Variants in LARP4 observed in about 807,000 individuals in gnomAD.
The protein encoded by LARP4 is la-related protein 4.
A neutral mutation model predicts 92.9 loss-of-function variants in LARP4; 29 were observed. The ratio of observed to expected loss-of-function variants is 0.31; its 90% CI spans 0.23 to 0.43. The LOEUF (loss-of-function observed/expected upper bound fraction) is 0.43. Among genes scored for constraint, LARP4 ranks in the 20% least tolerant of loss-of-function variants. The pLI is 1.00. For synonymous variants in LARP4, 279 were observed against 284.1 expected (o/e 0.98, Z 0.18); for missense variants, 732 against 860.0 (o/e 0.85, Z 1.86).
At position 50,476,435 on chromosome 12, in the gene LARP4, T is replaced by C. The variant is rs1957536525; in HGVS notation, c.*571T>C. The C allele has an allele frequency of 6.6e-6, 1 of 152,586 alleles. No homozygotes were observed. Among genetic ancestry groups the C allele is most frequent in the African/African-American group, 2.4e-5 (1 of 41,432 alleles). The allele number at this position is 152,586 out of a possible 1,614,324, so 9.5% of individuals were successfully genotyped here. The stretch of plus-strand genomic sequence containing the variant: ...GATTGAAGCCAAATCTGTTGTCATG[T>C]TAGTAAATGATTTGAAAACTGAATG... On this transcript the variant is annotated 3_prime_UTR_variant, in exon 16 of 16. Transcript: ENST00000398473.
At position 50,479,584 on chromosome 12, in the gene LARP4, ATAACT is replaced by A. The variant is rs1446503540; in HGVS notation, c.*3724_*3728del. Reference sequence around the variant, plus strand: ...CCTTTGAAATTCACCTGATTATTAGATAACTTAAAGTTTATTTTTAAAAGCTGACA... The same window carrying A: ...CCTTTGAAATTCACCTGATTATTAGATAAAGTTTATTTTTAAAAGCTGACA... On this transcript the variant is annotated 3_prime_UTR_variant, in exon 16 of 16. Transcript: ENST00000398473. The A allele has an allele frequency of 1.3e-5, 2 of 152,340 alleles. No individual in the cohort carries two copies. Among genetic ancestry groups the A allele is most frequent in the Middle Eastern group, 3.4e-3 (1 of 294 alleles). The allele number at this position is 152,340 out of a possible 1,614,324, so 9.4% of individuals were successfully genotyped here. A position where few individuals can be genotyped will look rare whatever the true frequency, so the allele number is the denominator to read the frequency against.
intron 8 of LARP4, among the ~76,000 whole-genome samples, chr12:50,452,131 C>T (rs1361528871): frequency 6.6e-6 from 1 of 152,224 alleles, no homozygotes; most frequent in Non-Finnish European, 1.5e-5. Context: ...AATGCTGCAA[C>T]ACAGACAGTA....
chr12:50,426,732 G>GT (rs796220360), intron 1 of LARP4, among the ~76,000 whole-genome samples: 109 of 52,052 alleles, frequency 2.1e-3, no homozygotes, highest in Admixed American at 6.0e-3. Context: ...TGTGTGTGTG[G>GT]TTTTTTTTTT....
At chr12:50,428,283 C>T (rs897717265) in intron 2 of LARP4, among the ~76,000 whole-genome samples, 2 of 152,142 alleles carry the variant, frequency 1.3e-5, no homozygotes, top group Non-Finnish European at 2.9e-5. Context: ...CAGCCTCGGC[C>T]TCCCAAAGTG....
Position 50,429,014 on chromosome 12 carries a change from T to C in LARP4, c.246T>C (p.Thr82=). The C allele has an allele frequency of 1.9e-6, 3 of 1,610,380 alleles. No homozygotes were observed. Among genetic ancestry groups the C allele is most frequent in the Non-Finnish European group, 2.5e-6 (3 of 1,177,194 alleles). The change falls in exon 3 of 16, where the codon ACT becomes ACC. Residue 82 remains threonine (T), a synonymous_variant. Coordinates refer to ENST00000398473, the MANE Select transcript of LARP4 (RefSeq NM_052879.5). ...YSSSCETTRN[T]TGIEESTDGM... ...CATCTTGTGAAACCACAAGAAATAC[T>C]ACAGGCATTGAAGAATCAACTGATG...
intron 4 of LARP4, among the ~76,000 whole-genome samples, chr12:50,432,555 GCTTGAAAATCTGGCAGTGT>G (rs1214249545): frequency 6.6e-6 from 1 of 151,982 alleles, no homozygotes; most frequent in Non-Finnish European, 1.5e-5. Context: ...ACCCCATACT[GCTTGAAAATCTGGCAGTGT>G]CTTGGCCTGG....
intron 1 of LARP4, chr12:50,416,253 G>A (rs1436585810): frequency 6.6e-6 from 1 of 152,212 alleles, no homozygotes; most frequent in Non-Finnish European, 1.5e-5. Context: ...TTAGTGCCTG[G>A]TGGTGACAGG....
chr12:50,440,413 T>G, intron 6 of LARP4, 26 bp from the exon 7 acceptor site: 1 of 1,521,372 alleles, frequency 6.6e-7, no homozygotes, highest in Non-Finnish European at 9.1e-7. Context: ...TTTTTTAGAG[T>G]TAACTAATTT....
intron 1 of LARP4, chr12:50,401,231 G>A (rs1943761057): frequency 3.1e-6 from 2 of 650,312 alleles, no homozygotes; most frequent in East Asian, 2.6e-5. Context: ...GGTGAGGCCC[G>A]TAGTGGAGAA....
chr12:50,422,344 C>T (rs965687032), intron 1 of LARP4, among the ~76,000 whole-genome samples: 5 of 152,240 alleles, frequency 3.3e-5, no homozygotes, highest in East Asian at 1.9e-4. Flanking sequence ...TAGTTTAACA[C>T]GTTTGCTTTT....
chr12:50,477,351 G>A lies in LARP4; in HGVS notation c.*1487G>A, dbSNP rs1316180140. 2 of 152,480 alleles carry A rather than the reference G, an allele frequency of 1.3e-5. No homozygotes were observed. The highest frequency in any genetic ancestry group is 2.9e-5 in the Non-Finnish European group (2 of 67,976). The allele number at this position is 152,480 out of a possible 1,614,324, so 9.4% of individuals were successfully genotyped here. ...ATGTTCAGAGTTCTATGTAAGGTGG[G>A]TTTTATTTTTCTTTTAAGGGATAGT... On this transcript the variant is annotated 3_prime_UTR_variant, in exon 16 of 16. Transcript: ENST00000398473.
chr12:50,445,241 G>A (rs1481965593), intron 8 of LARP4, among the ~76,000 whole-genome samples: 1 of 152,090 alleles, frequency 6.6e-6, no homozygotes, highest in Non-Finnish European at 1.5e-5. Context: ...AGAATGCAGG[G>A]ATGACAGCTA....
At chr12:50,440,609 A>G (rs546227761) in intron 7 of LARP4, 60 bp downstream of exon 7, 8 of 1,117,646 alleles carry the variant, frequency 7.2e-6, no homozygotes, top group Admixed American at 1.7e-5. Context: ...GTAGTGGTAT[A>G]TTTTAATTGA....
At position 50,477,901 on chromosome 12, in the gene LARP4, G is replaced by A. The variant is rs899133410; in HGVS notation, c.*2037G>A. On this transcript the variant is annotated 3_prime_UTR_variant, in exon 16 of 16. Transcript: ENST00000398473. Reference sequence around the variant, plus strand: ...GTTTACTAAGATAATGCAGTTGGTGGAAATGATAAACGTTTTAAGTGTTAA... The same window carrying A: ...GTTTACTAAGATAATGCAGTTGGTGAAAATGATAAACGTTTTAAGTGTTAA... The A allele has an allele frequency of 2.2e-4, 34 of 152,520 alleles. No homozygotes were observed. Among genetic ancestry groups the A allele is most frequent in the African/African-American group, 8.0e-4 (33 of 41,456 alleles). The allele number at this position is 152,520 out of a possible 1,614,324, so 9.4% of individuals were successfully genotyped here.
In LARP4 at chr12:50,476,406, G is replaced by A. The variant is rs1464456084; in HGVS notation, c.*542G>A. 6.6e-6 allele frequency: 1 copy of A among 152,548 alleles called. No individual in the cohort carries two copies. Among genetic ancestry groups the A allele is most frequent in the East Asian group, 1.9e-4 (1 of 5,196 alleles). 9.4% of individuals were successfully genotyped at this position (152,548 alleles called of 1,614,324 possible). A position where few individuals can be genotyped will look rare whatever the true frequency, so the allele number is the denominator to read the frequency against. On this transcript the variant is annotated 3_prime_UTR_variant, in exon 16 of 16. Coordinates refer to ENST00000398473, the MANE Select transcript of LARP4 (RefSeq NM_052879.5). The stretch of plus-strand genomic sequence containing the variant: ...CTGTTGTGGGTGTGAGTGTGTACAA[G>A]AGCGATTGAAGCCAAATCTGTTGTC...
At chr12:50,443,966 T>C (rs1005547966) in intron 8 of LARP4, among the ~76,000 whole-genome samples, 6 of 152,240 alleles carry the variant, frequency 3.9e-5, no homozygotes, top group Admixed American at 3.3e-4. Context: ...TTATTTCTGC[T>C]AGTTCTTTGT....
At chr12:50,450,387 C>T (rs1015114763) in intron 8 of LARP4, among the ~76,000 whole-genome samples, 5 of 152,174 alleles carry the variant, frequency 3.3e-5, no homozygotes, top group African/African-American at 4.8e-5. Flanking sequence ...TGCCTAGACA[C>T]AAGTAGTATT....
intron 1 of LARP4, among the ~76,000 whole-genome samples, chr12:50,426,712 TGTGTGTGTGTGTGTGTGTGG>T: frequency 3.6e-5 from 5 of 138,112 alleles, no homozygotes; most frequent in Admixed American, 1.4e-4. Flanking sequence ...TGTGTGTGTG[TGTGTGTGTGTGTGTGTGTGG>T]TTTTTTTTTT....
In LARP4 at chr12:50,435,581, A is replaced by G; in HGVS notation, c.492A>G (p.Lys164=). 6.2e-7 allele frequency: 1 copy of G among 1,608,166 alleles called. No individual in the cohort carries two copies. The highest frequency in any genetic ancestry group is 2.2e-5 in the East Asian group (1 of 44,802). ...IWTVANMEEI[K]KLTTDPDLIL... is the part of the protein sequence containing the mutation. ...CAGTTGCCAACATGGAAGAAATAAA[A>G]AAGTTGACTACAGACCCTGATCTAA... Residue 164 remains lysine (K), a synonymous_variant, in exon 5 of 16, where the codon AAA becomes AAG. Coordinates refer to ENST00000398473, the MANE Select transcript of LARP4 (RefSeq NM_052879.5).
Sources: allele counts gnomAD v4.1 joint callset (sites outside exome capture counted in the v4.1 genomes callset), GRCh38; gene constraint gnomAD v4.1.1; transcripts MANE v1.5; gene names NCBI Gene and HGNC (gene_info 2026-07-23, HGNC 2026-07-21).